GLB1: variants seen among roughly 807,000 people sequenced by gnomAD.
GLB1 encodes galactosidase beta 1.
Under a neutral mutation model 74.0 loss-of-function variants are expected in GLB1, and 56 were observed. The observed-to-expected ratio is 0.76, with a 90% CI of 0.61 to 0.94. The LOEUF is 0.94. Ranked by LOEUF, GLB1 falls within the 40% of genes least tolerant of loss-of-function variation. The pLI, the probability that GLB1 is intolerant of heterozygous loss-of-function variation, is 0.00. For missense variants in GLB1, 787 were observed against 845.5 expected (o/e 0.93, Z 0.86); for synonymous variants, 323 against 323.6 (o/e 1.00, Z 0.02).
At chr3:33,095,675 G>A (rs528223711) in intron 1 of GLB1, among the ~76,000 whole-genome samples, 6 of 152,126 alleles carry the variant, frequency 3.9e-5, no homozygotes, top group Non-Finnish European at 8.8e-5. Context: ...GATTGACCCT[G>A]TCCACCTGTT....
At chr3:33,055,465 T>C (rs551289568) in intron 6 of GLB1, among the ~76,000 whole-genome samples, 57 of 149,014 alleles carry the variant, frequency 3.8e-4, no homozygotes, top group African/African-American at 1.3e-3. Flanking sequence ...CTTTTCTTTT[T>C]TTTTTTTTTT....
Position 33,058,840 on chromosome 3 carries a change from GAA to G in GLB1, c.553-573_553-572del, listed in dbSNP as rs1699328628. Among the ~76,000 whole-genome samples the G allele has an allele frequency of 6.4e-5, 6 of 93,558 alleles. No individual in the cohort carries two copies. In the Admixed American group the frequency reaches 7.6e-4, roughly 12 times the overall value. 61.4% of individuals were successfully genotyped at this position (93,558 alleles called of 152,430 possible). On this transcript the variant is annotated intron_variant, in intron 5 of 15. Transcript: ENST00000307363. ...CTATGCAAAATCTCCATGGCAATAA[GAA>G]GAAGGGTGAATGCCAGGGACAGACA...
intron 1 of GLB1, among the ~76,000 whole-genome samples, chr3:33,088,782 T>C (rs1394406238): frequency 6.6e-6 from 1 of 151,988 alleles, no homozygotes; most frequent in Admixed American, 6.6e-5. Context: ...AATAGAAAAA[T>C]TTATCCTAAA....
At chr3:33,041,472 G>A (rs1005647259) in intron 10 of GLB1, among the ~76,000 whole-genome samples, 4 of 152,028 alleles carry the variant, frequency 2.6e-5, no homozygotes, top group Admixed American at 2.6e-4. Flanking sequence ...GACCAGCCTG[G>A]TCAACATGGT....
At chr3:32,961,702 G>A in the GLB1 span, among the ~76,000 whole-genome samples, 1 of 152,144 alleles carries the variant, frequency 6.6e-6, no homozygotes, top group African/African-American at 2.4e-5. Flanking sequence ...ACTGTAATCT[G>A]GAGAGGAATA....
At chr3:33,064,241 C>A (rs1314306299) in intron 5 of GLB1, among the ~76,000 whole-genome samples, 1 of 149,698 alleles carries the variant, frequency 6.7e-6, no homozygotes, top group Non-Finnish European at 1.5e-5. Context: ...GAGTTTGAGA[C>A]CAGCCTGGTC....
downstream of GLB1, among the ~76,000 whole-genome samples, chr3:32,994,939 AAAAG>A (rs1437566074): frequency 8.0e-5 from 11 of 137,388 alleles, no homozygotes; most frequent in Admixed American, 7.5e-4. Context: ...AAAAAAAAAA[AAAAG>A]ATTCTGTTTT....
At chr3:33,089,269 G>C (rs1196973314) in intron 1 of GLB1, among the ~76,000 whole-genome samples, 1 of 152,110 alleles carries the variant, frequency 6.6e-6, no homozygotes, top group African/African-American at 2.4e-5. Flanking sequence ...CAAAAATAGA[G>C]AAATGGGCCT....
At chr3:33,053,436 A>T in intron 7 of GLB1, 55 bp downstream of exon 7, 1 of 1,613,536 alleles carries the variant, frequency 6.2e-7, no homozygotes. Flanking sequence ...TTTCAGCAGC[A>T]TGTAACTTTT....
intron 2 of GLB1, 106 bp from the exon 3 acceptor site, chr3:33,069,076 G>A: frequency 6.3e-7 from 1 of 1,585,656 alleles, no homozygotes; most frequent in Non-Finnish European, 8.6e-7. Context: ...TGGATAAGAG[G>A]GAGAAGGCGC....
chr3:33,041,173 G>A (rs999133430), intron 10 of GLB1, among the ~76,000 whole-genome samples: 6 of 152,220 alleles, frequency 3.9e-5, no homozygotes, highest in African/African-American at 4.8e-5. Context: ...CAGGATAAAC[G>A]AAAAGAAAGT....
At chr3:33,058,899 A>ACAC (rs1699331263) in intron 5 of GLB1, among the ~76,000 whole-genome samples, 1 of 152,226 alleles carries the variant, frequency 6.6e-6, no homozygotes, top group African/African-American at 2.4e-5. Context: ...TGTCACACAC[A>ACAC]CACCGGTGTT....
intron 3 of GLB1, 23 bp downstream of exon 3, chr3:33,068,797 G>A (rs1699789447): frequency 2.5e-6 from 4 of 1,613,178 alleles, no homozygotes; most frequent in Admixed American, 1.7e-5. Flanking sequence ...ACACCAGGTA[G>A]AGCCCAGTCT....
chr3:33,091,039 T>C (rs1700737280), intron 1 of GLB1: 1 of 985,316 alleles, frequency 1.0e-6, no homozygotes, highest in Non-Finnish European at 1.2e-6. Flanking sequence ...AGTCAAACAT[T>C]ACCAGCCGCA....
At chr3:33,079,537 C>A (rs1700248005) in intron 1 of GLB1, among the ~76,000 whole-genome samples, 2 of 152,170 alleles carry the variant, frequency 1.3e-5, no homozygotes, top group Non-Finnish European at 1.5e-5. Flanking sequence ...AATCTTTCAA[C>A]CCTCTCTGAA....
In GLB1 at chr3:33,056,105, G is replaced by A. The variant is rs965003488; in HGVS notation, c.733+1984C>T. Among the ~76,000 whole-genome samples, 7 of 151,646 alleles carry A rather than the reference G, an allele frequency of 4.6e-5. No individual in the cohort carries two copies. In the East Asian group the frequency reaches 1.2e-3, roughly 26 times the overall value. Reference sequence around the variant, plus strand: ...TAGCCAGGCGTGGTGGCAGGTGCCTGTAATCCCAGCTACTTGGGAGGCTGA... The same window carrying A: ...TAGCCAGGCGTGGTGGCAGGTGCCTATAATCCCAGCTACTTGGGAGGCTGA... On this transcript the variant is annotated intron_variant, in intron 6 of 15. Transcript: ENST00000307363.
chr3:33,046,513 T>C (rs978085985), intron 9 of GLB1, among the ~76,000 whole-genome samples: 1 of 152,062 alleles, frequency 6.6e-6, no homozygotes, highest in Non-Finnish European at 1.5e-5. Flanking sequence ...TCACCCCCAC[T>C]GGACAAGCAG....
intron 15 of GLB1, among the ~76,000 whole-genome samples, chr3:33,011,657 G>T (rs1005178240): frequency 1.2e-4 from 15 of 122,254 alleles, no homozygotes; most frequent in African/African-American, 3.6e-4. Flanking sequence ...AAAAAAAAAA[G>T]AAAATATTTC....
the GLB1 span, among the ~76,000 whole-genome samples, chr3:32,966,108 G>A: frequency 6.6e-6 from 1 of 152,218 alleles, no homozygotes; most frequent in African/African-American, 2.4e-5. Flanking sequence ...GTATTGCCTA[G>A]TGGAGCTGTG....
Sources: gnomAD v4.1 joint callset for allele counts (sites outside exome capture counted in the v4.1 genomes callset) on GRCh38, gnomAD v4.1.1 for gene constraint, MANE v1.5 for transcripts, NCBI Gene and HGNC (gene_info 2026-07-23, HGNC 2026-07-21) for gene names.